The following CLVS1 variants were observed in gnomAD, a reference collection of about 807,000 sequenced individuals.
CLVS1 encodes the protein clavesin-1.
CLVS1 carries 10 observed loss-of-function variants against 33.1 expected under a neutral mutation model. The observed-to-expected ratio is 0.30, with a 90% CI of 0.19 to 0.51. The LOEUF (loss-of-function observed/expected upper bound fraction) is 0.51. CLVS1 is among the 20% of genes least tolerant of loss of function. The pLI, the probability that CLVS1 is intolerant of heterozygous loss-of-function variation, is 0.97. For missense variants in CLVS1, 343 were observed against 433.4 expected (o/e 0.79, Z 1.85); for synonymous variants, 163 against 166.1 (o/e 0.98, Z 0.14).
intron 2 of CLVS1, among the ~76,000 whole-genome samples, chr8:61,313,527 G>A (rs1158336827): frequency 6.6e-6 from 1 of 152,194 alleles, no homozygotes; most frequent in Non-Finnish European, 1.5e-5. Context: ...AAGAACACAG[G>A]AGGGATCAAT....
At chr8:61,306,145 A>C (rs531570901) in intron 2 of CLVS1, among the ~76,000 whole-genome samples, 47 of 152,322 alleles carry the variant, frequency 3.1e-4, no homozygotes, top group African/African-American at 1.1e-3. Flanking sequence ...ACTAATTTAC[A>C]GTTTCACCAA....
the CLVS1 span, among the ~76,000 whole-genome samples, chr8:61,040,484 G>A: frequency 2.0e-5 from 3 of 152,140 alleles, no homozygotes; most frequent in East Asian, 1.9e-4. Context: ...TTTCTTTGCA[G>A]TATTGCCAGC....
At chr8:61,028,585 T>C in the CLVS1 span, among the ~76,000 whole-genome samples, 1 of 152,146 alleles carries the variant, frequency 6.6e-6, no homozygotes, top group African/African-American at 2.4e-5. Flanking sequence ...CCTGGGCCTT[T>C]CAATGTGAGT....
chr8:61,088,525 A>G (rs1286236400), intron 1 of CLVS1, among the ~76,000 whole-genome samples: 1 of 150,758 alleles, frequency 6.6e-6, no homozygotes, highest in African/African-American at 2.4e-5. Flanking sequence ...GTAATTATCA[A>G]TTTTCCGTTA....
chr8:61,214,853 A>C (rs779608997), intron 2 of CLVS1, among the ~76,000 whole-genome samples: 3 of 152,314 alleles, frequency 2.0e-5, no homozygotes, highest in African/African-American at 4.8e-5. Context: ...TCTGTTTCCC[A>C]CTGTGAGTTT....
intron 1 of CLVS1, among the ~76,000 whole-genome samples, chr8:61,091,461 T>C (rs1166799594): frequency 6.6e-6 from 1 of 152,244 alleles, no homozygotes; most frequent in Non-Finnish European, 1.5e-5. Context: ...GCCAGGGTCC[T>C]GACATGCTCT....
chr8:61,209,820 A>G (rs1019074811), intron 2 of CLVS1, among the ~76,000 whole-genome samples: 10 of 137,486 alleles, frequency 7.3e-5, no homozygotes, highest in African/African-American at 2.8e-4. Context: ...ATATCCTTGT[A>G]CAATCTTTTG....
intron 1 of CLVS1, among the ~76,000 whole-genome samples, chr8:61,119,741 C>A (rs1169188772): frequency 9.4e-6 from 1 of 106,944 alleles, no homozygotes; most frequent in Non-Finnish European, 1.8e-5. Flanking sequence ...CTGAGAGATC[C>A]GCTGTTAGTC....
the CLVS1 span, among the ~76,000 whole-genome samples, chr8:61,026,623 C>G: frequency 2.0e-5 from 3 of 152,176 alleles, no homozygotes; most frequent in South Asian, 6.2e-4. Flanking sequence ...CCTCCGCAAA[C>G]CATAAGGTAG....
At chr8:61,258,949 C>T (rs117314438) in intron 2 of CLVS1, among the ~76,000 whole-genome samples, 1,623 of 152,158 alleles carry the variant, frequency 0.011, 8 homozygotes, top group Non-Finnish European at 0.017. Context: ...ATACATGTTC[C>T]CTAACTGTAT....
intron 2 of CLVS1, among the ~76,000 whole-genome samples, chr8:61,187,970 A>G (rs1807377309): frequency 6.6e-6 from 1 of 152,062 alleles, no homozygotes; most frequent in Admixed American, 6.6e-5. Context: ...TTGCAAGAGA[A>G]CAGCAACGCA....
chr8:61,417,632 T>G (rs1815493291), intron 3 of CLVS1, among the ~76,000 whole-genome samples: 1 of 152,172 alleles, frequency 6.6e-6, no homozygotes, highest in Non-Finnish European at 1.5e-5. Flanking sequence ...TGGCATAAAA[T>G]ATAAAAAGCT....
At chr8:61,287,110 A>G (rs939061167), upstream of CLVS1, among the ~76,000 whole-genome samples, 5 of 152,230 alleles carry the variant, frequency 3.3e-5, no homozygotes, top group African/African-American at 1.2e-4. Flanking sequence ...TGCCATGTAT[A>G]TTTATGACAC....
intron 1 of CLVS1, among the ~76,000 whole-genome samples, chr8:61,298,784 C>A (rs1810315577): frequency 6.6e-6 from 1 of 152,110 alleles, no homozygotes; most frequent in Non-Finnish European, 1.5e-5. Context: ...TATGGGTGTT[C>A]CTCTGTATAC....
chr8:61,249,924 A>G (rs1033758210), intron 2 of CLVS1, among the ~76,000 whole-genome samples: 2 of 151,996 alleles, frequency 1.3e-5, no homozygotes, highest in African/African-American at 4.8e-5. Flanking sequence ...GTTTAATTCG[A>G]TCCCATTTGT....
intron 5 of CLVS1, among the ~76,000 whole-genome samples, chr8:61,495,210 T>C (rs961581238): frequency 1.3e-5 from 2 of 152,196 alleles, no homozygotes; most frequent in Non-Finnish European, 2.9e-5. Flanking sequence ...TTTCCTTTCA[T>C]GTCTAACACC....
chr8:61,366,194 A>G (rs1203037450), intron 2 of CLVS1, among the ~76,000 whole-genome samples: 1 of 152,056 alleles, frequency 6.6e-6, no homozygotes, highest in African/African-American at 2.4e-5. Flanking sequence ...TGCAATCTCT[A>G]TCCAGAGAGC....
intron 2 of CLVS1, among the ~76,000 whole-genome samples, chr8:61,275,596 T>C (rs977394384): frequency 2.6e-5 from 4 of 152,204 alleles, no homozygotes; most frequent in Non-Finnish European, 2.9e-5. Flanking sequence ...GGAAGCTTAG[T>C]TCGAAAGGTT....
intron 2 of CLVS1, among the ~76,000 whole-genome samples, chr8:61,197,773 G>A (rs1807646662): frequency 6.6e-6 from 1 of 152,174 alleles, no homozygotes; most frequent in African/African-American, 2.4e-5. Context: ...ACCTACCTCG[G>A]CCTCCCAAAG....
Sources: gnomAD v4.1 joint callset for allele counts (sites outside exome capture counted in the v4.1 genomes callset) on GRCh38, gnomAD v4.1.1 for gene constraint, MANE v1.5 for transcripts, NCBI Gene and HGNC (gene_info 2026-07-23, HGNC 2026-07-21) for gene names.